Variants in ATP13A3 observed in about 807,000 individuals in gnomAD.
The protein encoded by ATP13A3 is polyamine-transporting ATPase 13A3.
In ATP13A3, 59 loss-of-function variants were observed where a neutral mutation model predicts 158.1. That is an observed-to-expected ratio of 0.37 (90% CI 0.30 to 0.46). The LOEUF is 0.46. Among genes scored for constraint, ATP13A3 ranks in the 20% least tolerant of loss-of-function variants. The pLI, the probability that ATP13A3 is intolerant of heterozygous loss-of-function variation, is 1.00. For missense variants in ATP13A3, 1,166 were observed against 1,525.2 expected, an observed-to-expected ratio of 0.76 and a Z score of 3.92; for synonymous variants, 491 against 504.3, an observed-to-expected ratio of 0.97 and a Z score of 0.35.
chr3:194,473,925 A>C (rs750187657), intron 2 of ATP13A3, among the ~76,000 whole-genome samples: 15 of 152,206 alleles, frequency 9.9e-5, no homozygotes, highest in Admixed American at 3.3e-4. Flanking sequence ...TTTTATAGCA[A>C]CCAAATAACT....
chr3:194,420,454 A>T (rs1431030639), intron 30 of ATP13A3: 1 of 152,400 alleles, frequency 6.6e-6, no homozygotes, highest in Non-Finnish European at 1.5e-5. Context: ...CTTAATCCTA[A>T]ATAGAGGCAT....
Position 194,405,144 on chromosome 3 carries a change from G to GAA in ATP13A3, c.*773_*774dup, listed in dbSNP as rs1351631386. 2 of 152,204 alleles carry GAA rather than the reference G, an allele frequency of 1.3e-5. No individual in the cohort carries two copies. The highest frequency in any genetic ancestry group is 2.9e-5 in the Non-Finnish European group (2 of 68,034). 9.4% of individuals were successfully genotyped at this position (152,204 alleles called of 1,614,324 possible). ...AAAGAAATGAATCTTATTTCCTAGT[G>GAA]AAAAAGGTTCTACAACATTTAACAG... On this transcript the variant is annotated 3_prime_UTR_variant, in exon 34 of 34. Transcript: ENST00000645319.
Position 194,405,167 on chromosome 3 carries a change from C to T in ATP13A3, c.*752G>A, listed in dbSNP as rs1714850575. The T allele has an allele frequency of 6.6e-6, 1 of 152,166 alleles. No homozygotes were observed. The highest frequency in any genetic ancestry group is 2.4e-5 in the African/African-American group (1 of 41,450). 9.4% of individuals were successfully genotyped at this position (152,166 alleles called of 1,614,324 possible). On this transcript the variant is annotated 3_prime_UTR_variant, in exon 34 of 34. Coordinates refer to ENST00000645319, the MANE Select transcript of ATP13A3 (RefSeq NM_001367549.1). ...GTGAAAAAGGTTCTACAACATTTAACAGAAGCAAATTAGACTGCCAACACC... is the reference window on the plus strand; with the variant it reads ...GTGAAAAAGGTTCTACAACATTTAATAGAAGCAAATTAGACTGCCAACACC...
chr3:194,406,921 A>G (rs1027698514), intron 33 of ATP13A3, among the ~76,000 whole-genome samples: 2 of 152,252 alleles, frequency 1.3e-5, no homozygotes, highest in Non-Finnish European at 2.9e-5. Flanking sequence ...GTATAAAACA[A>G]GTACTATTGC....
intron 32 of ATP13A3, among the ~76,000 whole-genome samples, chr3:194,413,480 G>A (rs1413257505): frequency 6.6e-6 from 1 of 151,956 alleles, no homozygotes; most frequent in Non-Finnish European, 1.5e-5. Context: ...ATGGGCCACC[G>A]AGGCCCCAAA....
intron 2 of ATP13A3, among the ~76,000 whole-genome samples, chr3:194,474,991 C>A (rs1180336419): frequency 6.6e-6 from 1 of 151,596 alleles, no homozygotes; most frequent in Non-Finnish European, 1.5e-5. Flanking sequence ...CATAATACAA[C>A]AAAAAGTAAC....
At position 194,431,842 on chromosome 3, in the gene ATP13A3, G is replaced by A. The variant is rs560342001; in HGVS notation, c.2296C>T (p.Leu766=). ...VSVARDCGMI[L]PQDKVIIAEA... ...GCAATAATCACTTTATCCTGAGGTAGAATCATTCCACAATCTCTGGCCACA... is the reference window on the plus strand; with the variant it reads ...GCAATAATCACTTTATCCTGAGGTAAAATCATTCCACAATCTCTGGCCACA... The change falls in exon 22 of 34, where the codon CTA becomes TTA. Residue 766 remains leucine, a synonymous_variant. Coordinates refer to ENST00000645319, the MANE Select transcript of ATP13A3 (RefSeq NM_001367549.1). 1.2e-6 allele frequency: 2 copies of A among 1,610,746 alleles called. No individual in the cohort carries two copies. The highest frequency in any genetic ancestry group is 4.5e-5 in the East Asian group (2 of 44,762).
intron 13 of ATP13A3, among the ~76,000 whole-genome samples, chr3:194,447,582 T>G (rs1327374963): frequency 6.8e-6 from 1 of 148,138 alleles, no homozygotes; most frequent in Non-Finnish European, 1.5e-5. Context: ...TTTTTCCTGT[T>G]TTTTTTTTTT....
At chr3:194,480,476 T>C (rs555417575) in intron 2 of ATP13A3, among the ~76,000 whole-genome samples, 14 of 152,332 alleles carry the variant, frequency 9.2e-5, no homozygotes, top group African/African-American at 3.4e-4. Flanking sequence ...TTTAAAACAA[T>C]GCAGATCTTG....
At position 194,437,111 on chromosome 3, in the gene ATP13A3, C is replaced by T; in HGVS notation, c.2104G>A (p.Val702Ile). ...KLESKLTWHK[V>I]QNISRDAIEN... ...CAACCTCACCTGCTAATATTCTGTACTTTATGCCATGTCAGTTTTGACTCC... is the reference window on the plus strand; with the variant it reads ...CAACCTCACCTGCTAATATTCTGTATTTTATGCCATGTCAGTTTTGACTCC... Residue 702 changes from valine (V) to isoleucine (I), a missense_variant, in exon 20 of 34, where the codon GTA (valine) becomes ATA (isoleucine). Transcript: ENST00000645319. The T allele has an allele frequency of 6.2e-7, 1 of 1,614,170 alleles. No individual in the cohort carries two copies. The highest frequency in any genetic ancestry group is 8.5e-7 in the Non-Finnish European group (1 of 1,180,026).
At chr3:194,475,600 TAA>T (rs1158397243) in intron 2 of ATP13A3, among the ~76,000 whole-genome samples, 1 of 152,144 alleles carries the variant, frequency 6.6e-6, no homozygotes, top group Non-Finnish European at 1.5e-5. Flanking sequence ...TACAGTAATA[TAA>T]GTTGCTATTG....
intron 9 of ATP13A3, 69 bp downstream of exon 9, chr3:194,454,189 T>C (rs1404651910): frequency 1.4e-6 from 2 of 1,427,632 alleles, no homozygotes; most frequent in African/African-American, 2.9e-5. Flanking sequence ...TGAGTACTAT[T>C]CTACACACAT....
In ATP13A3 at chr3:194,424,871, C is replaced by T. The variant is rs73889865; in HGVS notation, c.3313+471G>A. On this transcript the variant is annotated intron_variant, in intron 30 of 33. Coordinates refer to ENST00000645319, the MANE Select transcript of ATP13A3 (RefSeq NM_001367549.1). ...AGGTGAACACAGGCCACACCAGCGT[C>T]GGAAATGAAGAAGATGGCAGATGCT... Among the ~76,000 whole-genome samples, 257 of 152,288 alleles carry T rather than the reference C, an allele frequency of 1.7e-3. 1 individual carries two copies. Among genetic ancestry groups the T allele is most frequent in the African/African-American group, 5.7e-3 (238 of 41,560 alleles).
intron 24 of ATP13A3, among the ~76,000 whole-genome samples, 190 bp downstream of exon 24, chr3:194,430,753 T>C (rs1205415539): frequency 6.6e-6 from 1 of 152,184 alleles, no homozygotes; most frequent in Non-Finnish European, 1.5e-5. Flanking sequence ...GATATTGTAC[T>C]TTAGCTAAAT....
chr3:194,474,842 G>A (rs542543034), intron 2 of ATP13A3, among the ~76,000 whole-genome samples: 1 of 152,284 alleles, frequency 6.6e-6, no homozygotes, highest in South Asian at 2.1e-4. Context: ...GTGATGCGGT[G>A]CTCACTGCAC....
chr3:194,408,628 T>C (rs1715126998), intron 33 of ATP13A3, among the ~76,000 whole-genome samples: 1 of 152,280 alleles, frequency 6.6e-6, no homozygotes, highest in South Asian at 2.1e-4. Flanking sequence ...CACAACCCTA[T>C]TACAAACAGT....
At chr3:194,486,499 C>G (rs555966670) in intron 1 of ATP13A3, 67 bp downstream of exon 1, 14 of 153,284 alleles carry the variant, frequency 9.1e-5, no homozygotes, top group African/African-American at 1.4e-4. Context: ...CCCGCCGCCC[C>G]GACACCACCA....
intron 22 of ATP13A3, 31 bp from the exon 23 acceptor site, chr3:194,431,257 T>A (rs1028041697): frequency 6.4e-7 from 1 of 1,556,166 alleles, no homozygotes; most frequent in South Asian, 1.2e-5. Context: ...GAACAATATT[T>A]AGGCAACCAA....
At position 194,462,153 on chromosome 3, in the gene ATP13A3, T is replaced by C; in HGVS notation, c.38A>G (p.Gln13Arg). The part of the protein sequence containing the change: ...REERKTINQG[Q>R]EDEMEIYGYN... ...ACAGCTGGTTACCATTTCATCTTCTTGACCCTGATTGATGGTCTTCCTTTC... is the reference window on the plus strand; with the variant it reads ...ACAGCTGGTTACCATTTCATCTTCTCGACCCTGATTGATGGTCTTCCTTTC... The change falls in exon 3 of 34, where the codon CAA (glutamine) becomes CGA (arginine). Residue 13 changes from glutamine to arginine, a missense_variant. Around this residue, in one of 3 missense-constraint regions of ATP13A3, gnomAD observed 65 missense variants for 92.4 expected, o/e 0.70. Transcript: ENST00000645319. The C allele has an allele frequency of 1.2e-6, 2 of 1,614,022 alleles. No individual in the cohort carries two copies. Among genetic ancestry groups the C allele is most frequent in the Non-Finnish European group, 1.7e-6 (2 of 1,179,886 alleles).
Sources: gnomAD v4.1 joint callset for allele counts (sites outside exome capture counted in the v4.1 genomes callset) on GRCh38, gnomAD v4.1.1 for gene constraint, gnomAD v4.1.1 regional missense constraint, MANE v1.5 for transcripts, NCBI Gene and HGNC (gene_info 2026-07-23, HGNC 2026-07-21) for gene names.